Variants in CSMD1 observed in about 807,000 individuals in gnomAD.
The protein encoded by CSMD1 is CUB and sushi domain-containing protein 1.
In CSMD1, 213 loss-of-function variants were observed where a neutral mutation model predicts 417.5. The ratio of observed to expected loss-of-function variants is 0.51; its 90% CI spans 0.46 to 0.57. The LOEUF is 0.57. CSMD1 is among the 20% of genes least tolerant of loss of function. CSMD1 has a pLI of 0.00. For synonymous variants in CSMD1, 2,862 were observed against 1,736.8 expected (o/e 1.65, Z -16.11); for missense variants, 6,923 against 4,529.7 (o/e 1.53, Z -15.17).
chr8:4,155,951 C>T (rs1049658482), intron 3 of CSMD1, among the ~76,000 whole-genome samples: 3 of 152,154 alleles, frequency 2.0e-5, no homozygotes, highest in Non-Finnish European at 4.4e-5. Context: ...TGCAGCTGCA[C>T]ATTTTAATCA....
At chr8:3,816,621 G>A (rs942834038) in intron 5 of CSMD1, among the ~76,000 whole-genome samples, 3 of 152,098 alleles carry the variant, frequency 2.0e-5, no homozygotes, top group African/African-American at 7.2e-5. Flanking sequence ...GTACCAAACA[G>A]AAGAGAATAA....
chr8:3,114,115 A>G (rs1270967061), intron 42 of CSMD1, among the ~76,000 whole-genome samples: 1 of 152,026 alleles, frequency 6.6e-6, no homozygotes, highest in African/African-American at 2.4e-5. Context: ...ATGCGAGCAC[A>G]TGCCTGTGGT....
intron 45 of CSMD1, 65 bp from the exon 46 acceptor site, chr8:3,106,706 C>T: frequency 1.2e-6 from 1 of 866,848 alleles, no homozygotes; most frequent in African/African-American, 1.7e-5. Flanking sequence ...GAAGGTGTGA[C>T]ACATGTAGGA....
intron 6 of CSMD1, among the ~76,000 whole-genome samples, chr8:3,713,550 C>A (rs1218956307): frequency 3.3e-5 from 5 of 152,152 alleles, no homozygotes; most frequent in Non-Finnish European, 5.9e-5. Flanking sequence ...TCAAGATCCA[C>A]TGAACTTCCA....
chr8:4,668,034 C>A (rs1170783100), intron 1 of CSMD1, among the ~76,000 whole-genome samples: 1 of 152,054 alleles, frequency 6.6e-6, no homozygotes, highest in Non-Finnish European at 1.5e-5. Flanking sequence ...ACATGAAATA[C>A]CTCATCTCTT....
chr8:3,859,951 A>C (rs1039611673), intron 5 of CSMD1, among the ~76,000 whole-genome samples: 1 of 152,152 alleles, frequency 6.6e-6, no homozygotes, highest in Non-Finnish European at 1.5e-5. Context: ...CATGAATTCC[A>C]TGAGTCCCAG....
chr8:4,623,351 A>T (rs1383602748), intron 2 of CSMD1, among the ~76,000 whole-genome samples: 1 of 152,168 alleles, frequency 6.6e-6, no homozygotes, highest in East Asian at 1.9e-4. Context: ...ATATAGCAAA[A>T]ACATACAACA....
chr8:4,138,287 T>C (rs547040960), intron 3 of CSMD1, among the ~76,000 whole-genome samples: 1 of 150,518 alleles, frequency 6.6e-6, no homozygotes, highest in African/African-American at 2.4e-5. Context: ...AATGGCAAGA[T>C]GCAGGTTTCA....
intron 1 of CSMD1, among the ~76,000 whole-genome samples, chr8:4,891,487 G>A (rs532228204): frequency 6.6e-6 from 1 of 152,126 alleles, no homozygotes; most frequent in Admixed American, 6.5e-5. Context: ...TGAAAGGTCT[G>A]TAATTAAAAG....
chr8:4,535,359 C>T (rs539049829), intron 2 of CSMD1, among the ~76,000 whole-genome samples: 2 of 151,954 alleles, frequency 1.3e-5, no homozygotes, highest in Admixed American at 6.6e-5. Flanking sequence ...TTATTTATTG[C>T]TATTTTTAGA....
intron 25 of CSMD1, among the ~76,000 whole-genome samples, chr8:3,299,871 C>T (rs183221833): frequency 1.1e-4 from 16 of 152,254 alleles, no homozygotes; most frequent in South Asian, 2.1e-4. Flanking sequence ...AATGTAGAGA[C>T]GCCCAATTTC....
chr8:4,480,945 A>C (rs1801067455), intron 2 of CSMD1, among the ~76,000 whole-genome samples: 1 of 152,150 alleles, frequency 6.6e-6, no homozygotes, highest in Non-Finnish European at 1.5e-5. Flanking sequence ...CTAGAAATCT[A>C]CCTATTAACA....
intron 2 of CSMD1, among the ~76,000 whole-genome samples, chr8:4,465,411 A>T (rs1019807246): frequency 1.3e-5 from 2 of 152,168 alleles, no homozygotes; most frequent in Non-Finnish European, 2.9e-5. Context: ...CATCATGCTG[A>T]AGGAGCCTTG....
At chr8:3,902,654 A>G (rs1584938011) in intron 5 of CSMD1, among the ~76,000 whole-genome samples, 1 of 151,988 alleles carries the variant, frequency 6.6e-6, no homozygotes, top group East Asian at 1.9e-4. Context: ...ATTCTTGCTC[A>G]TTGCCACTCA....
chr8:3,332,072 C>G (rs551622970), intron 23 of CSMD1, among the ~76,000 whole-genome samples: 2 of 152,112 alleles, frequency 1.3e-5, no homozygotes, highest in East Asian at 1.9e-4. Context: ...AATAGATGAT[C>G]AATTAATTGA....
At chr8:3,478,177 G>T (rs1202837779) in intron 11 of CSMD1, among the ~76,000 whole-genome samples, 4 of 152,200 alleles carry the variant, frequency 2.6e-5, no homozygotes, top group Non-Finnish European at 5.9e-5. Context: ...TGGCACAGAA[G>T]ATGATGTGAC....
intron 8 of CSMD1, among the ~76,000 whole-genome samples, chr8:3,610,972 G>C (rs550033790): frequency 2.1e-4 from 32 of 151,414 alleles, no homozygotes; most frequent in African/African-American, 7.5e-4. Context: ...GGAGAGAAAA[G>C]GTGCAGTGTC....
intron 3 of CSMD1, among the ~76,000 whole-genome samples, chr8:4,286,681 G>T (rs1797073365): frequency 6.6e-6 from 1 of 152,130 alleles, no homozygotes; most frequent in Non-Finnish European, 1.5e-5. Flanking sequence ...ATTTTGTAGG[G>T]CCACAGTGGA....
chr8:4,031,778 G>A (rs3866473), intron 4 of CSMD1, 127 bp downstream of exon 4: 3 of 616,550 alleles, frequency 4.9e-6, no homozygotes, highest in South Asian at 3.5e-5. Context: ...GGAGCAGAAT[G>A]AGCTGACATT....
Sources: gnomAD v4.1 joint callset for allele counts (sites outside exome capture counted in the v4.1 genomes callset) on GRCh38, gnomAD v4.1.1 for gene constraint, MANE v1.5 for transcripts, NCBI Gene and HGNC (gene_info 2026-07-23, HGNC 2026-07-21) for gene names.